Variants in EDA observed in about 807,000 individuals in gnomAD.
EDA encodes ectodysplasin-A.
A neutral mutation model predicts 23.6 loss-of-function variants in EDA; 2 were observed. That is an observed-to-expected ratio of 0.08 (90% CI 0.03 to 0.27). The LOEUF (loss-of-function observed/expected upper bound fraction) is 0.27, where lower values mean the gene tolerates loss of function less well. EDA is among the 10% of genes least tolerant of loss of function. The pLI is 1.00. For synonymous variants in EDA, 131 were observed against 132.0 expected, an observed-to-expected ratio of 0.99 and a Z score of 0.05; for missense variants, 229 against 324.2, an observed-to-expected ratio of 0.71 and a Z score of 2.26.
intron 1 of EDA, among the ~76,000 whole-genome samples, chrX:69,910,885 G>T (rs113132472): frequency 2.6e-4 from 29 of 111,703 alleles, no homozygotes; most frequent in Non-Finnish European, 4.1e-4. Context: ...TTAAAATCTT[G>T]TCTGCTGATT....
chrX:69,712,495 T>C (rs2012104523), intron 1 of EDA, among the ~76,000 whole-genome samples: 1 of 110,946 alleles, frequency 9.0e-6, no homozygotes, highest in African/African-American at 3.3e-5. Context: ...AAAATGCAAA[T>C]CAAAACCACA....
At chrX:69,682,617 G>A (rs1368894791) in intron 1 of EDA, among the ~76,000 whole-genome samples, 3 of 112,082 alleles carry the variant, frequency 2.7e-5, no homozygotes, top group Non-Finnish European at 5.6e-5. Flanking sequence ...TCTTTGACTA[G>A]GAAAGGGAAC....
chrX:69,682,043 C>G (rs1216817037), intron 1 of EDA, among the ~76,000 whole-genome samples: 1 of 111,115 alleles, frequency 9.0e-6, no homozygotes, highest in Non-Finnish European at 1.9e-5. Context: ...TTCTAACAGA[C>G]AGGACCCTCA....
rs762081856 is a variant in EDA, at chrX:69,759,760, G to A, written c.396+143056G>A. Among the ~76,000 whole-genome samples the A allele has an allele frequency of 2.2e-4, 24 of 110,754 alleles. 1 individual carries two copies. The highest frequency in any genetic ancestry group is 1.8e-3 in the Admixed American group (19 of 10,333). ...TCTTGGAAAGGTAGAGGTTGGAGAGGGAGTGGCCCAGGTGTGCAAAGAAGT... is the reference window on the plus strand; with the variant it reads ...TCTTGGAAAGGTAGAGGTTGGAGAGAGAGTGGCCCAGGTGTGCAAAGAAGT... On this transcript the variant is annotated intron_variant, in intron 1 of 7. Transcript: ENST00000374552.
intron 1 of EDA, among the ~76,000 whole-genome samples, chrX:69,674,548 G>T (rs1295205791): frequency 8.9e-6 from 1 of 111,894 alleles, no homozygotes; most frequent in Non-Finnish European, 1.9e-5. Flanking sequence ...TAGCATTAAT[G>T]TATTTGCTTG....
intron 1 of EDA, among the ~76,000 whole-genome samples, chrX:69,697,132 A>T (rs2147306048): frequency 8.9e-6 from 1 of 111,968 alleles, no homozygotes; most frequent in Admixed American, 9.5e-5. Context: ...GCCTGGGTGC[A>T]GACGGGCTGA....
chrX:69,892,915 G>A (rs199510107), intron 1 of EDA, among the ~76,000 whole-genome samples: 1 of 111,202 alleles, frequency 9.0e-6, no homozygotes, highest in East Asian at 2.8e-4. Flanking sequence ...TTACCTGCCT[G>A]GACCCTCACA....
At chrX:69,692,336 C>G (rs1260175825) in intron 1 of EDA, among the ~76,000 whole-genome samples, 2 of 111,459 alleles carry the variant, frequency 1.8e-5, no homozygotes, top group African/African-American at 3.3e-5. Flanking sequence ...CATCTTTATT[C>G]TAACACTGAT....
At chrX:69,687,632 A>C (rs1934586828) in intron 1 of EDA, 1 of 108,616 alleles carries the variant, frequency 9.2e-6, no homozygotes, top group Non-Finnish European at 1.9e-5. Context: ...TAAAGAAAGT[A>C]TTGCCTAACC....
At chrX:70,030,109 T>C (rs2020177706) in intron 5 of EDA, among the ~76,000 whole-genome samples, 1 of 112,283 alleles carries the variant, frequency 8.9e-6, no homozygotes, top group Admixed American at 9.4e-5. Context: ...CAGTGATAAA[T>C]CTACACAGCT....
intron 1 of EDA, among the ~76,000 whole-genome samples, chrX:69,754,439 T>C (rs1424554750): frequency 8.9e-6 from 1 of 112,275 alleles, no homozygotes; most frequent in Non-Finnish European, 1.9e-5. Flanking sequence ...GATCAGCTTT[T>C]AGTCTGATGA....
At chrX:70,029,764 C>T (rs1258445929) in intron 5 of EDA, among the ~76,000 whole-genome samples, 1 of 112,531 alleles carries the variant, frequency 8.9e-6, no homozygotes, top group Non-Finnish European at 1.9e-5. Flanking sequence ...ATCATTTTTC[C>T]TCATTCCACA....
intron 1 of EDA, among the ~76,000 whole-genome samples, chrX:69,879,088 C>T (rs919311853): frequency 1.8e-5 from 2 of 110,561 alleles, no homozygotes; most frequent in African/African-American, 6.6e-5. Context: ...GCCCCCTCCC[C>T]GCCCCCAACC....
chrX:69,786,732 AGGTGT>A (rs2015195240), intron 1 of EDA, among the ~76,000 whole-genome samples: 1 of 109,793 alleles, frequency 9.1e-6, no homozygotes, highest in African/African-American at 3.3e-5. Flanking sequence ...ATTTTGGAAT[AGGTGT>A]GGTGTGGTGC....
At chrX:69,747,633 G>C in intron 1 of EDA, among the ~76,000 whole-genome samples, 1 of 112,201 alleles carries the variant, frequency 8.9e-6, no homozygotes, top group Non-Finnish European at 1.9e-5. Flanking sequence ...CCAAGGAAGA[G>C]ATAAGGTGAT....
chrX:69,905,656 A>C (rs1436456237), intron 1 of EDA, among the ~76,000 whole-genome samples: 1 of 111,901 alleles, frequency 8.9e-6, no homozygotes. Context: ...GAGGAATTTC[A>C]GAATATAAAC....
At chrX:69,846,333 C>T (rs2017006497) in intron 1 of EDA, among the ~76,000 whole-genome samples, 1 of 110,996 alleles carries the variant, frequency 9.0e-6, no homozygotes, top group Non-Finnish European at 1.9e-5. Context: ...CTTGCTCTGT[C>T]GCCCAGGCTG....
At chrX:69,853,966 G>A (rs1010730857) in intron 1 of EDA, among the ~76,000 whole-genome samples, 1 of 111,566 alleles carries the variant, frequency 9.0e-6, no homozygotes. Context: ...ATAGGTCATA[G>A]TTTGCTTACC....
At chrX:69,933,333 T>C (rs2018626187) in intron 1 of EDA, among the ~76,000 whole-genome samples, 1 of 112,005 alleles carries the variant, frequency 8.9e-6, no homozygotes, top group Non-Finnish European at 1.9e-5. Context: ...GATTTTCTAA[T>C]TACCTTTATT....
Sources: gnomAD v4.1 joint callset for allele counts (sites outside exome capture counted in the v4.1 genomes callset) on GRCh38, gnomAD v4.1.1 for gene constraint, MANE v1.5 for transcripts, NCBI Gene and HGNC (gene_info 2026-07-23, HGNC 2026-07-21) for gene names.